The following MPPE1 variants were observed in gnomAD, a reference collection of about 807,000 sequenced individuals.
MPPE1 encodes the protein metallophosphoesterase 1.
MPPE1 carries 28 observed loss-of-function variants against 43.8 expected under a neutral mutation model. That is an observed-to-expected ratio of 0.64 (90% CI 0.47 to 0.88). The LOEUF (loss-of-function observed/expected upper bound fraction) is 0.88, where lower values mean the gene tolerates loss of function less well. Ranked by LOEUF, MPPE1 falls within the 40% of genes least tolerant of loss-of-function variation. The pLI is 0.00. For synonymous variants in MPPE1, 159 were observed against 188.5 expected (o/e 0.84, Z 1.28); for missense variants, 428 against 492.2 (o/e 0.87, Z 1.23).
intron 1 of MPPE1, among the ~76,000 whole-genome samples, chr18:11,906,714 G>T (rs770910436): frequency 6.6e-6 from 1 of 151,788 alleles, no homozygotes. Flanking sequence ...AATCAGCCAG[G>T]GTAGTGGCAC....
At chr18:11,905,007 A>T (rs1020540961) in intron 2 of MPPE1, among the ~76,000 whole-genome samples, 2 of 151,708 alleles carry the variant, frequency 1.3e-5, no homozygotes, top group African/African-American at 4.8e-5. Context: ...TTGACAGCAG[A>T]TCCTTAAACA....
At chr18:11,887,424 T>G (rs2037457210) in intron 6 of MPPE1, among the ~76,000 whole-genome samples, 1 of 152,196 alleles carries the variant, frequency 6.6e-6, no homozygotes, top group South Asian at 2.1e-4. Context: ...GGCAGGTGTT[T>G]AGAACACAGC....
At chr18:11,885,028 A>T (rs750925113) in intron 10 of MPPE1, 15 of 1,296,088 alleles carry the variant, frequency 1.2e-5, no homozygotes, top group Non-Finnish European at 1.4e-5. Context: ...TTGATGCTCA[A>T]CTAAGCATCT....
At chr18:11,902,580 C>A (rs1567974545) in intron 2 of MPPE1, 1 of 152,208 alleles carries the variant, frequency 6.6e-6, no homozygotes, top group Admixed American at 6.5e-5. Context: ...GGAAGGAATG[C>A]TGACCTTCTG....
At chr18:11,893,669 G>T in intron 3 of MPPE1, 93 bp from the exon 4 acceptor site, 1 of 981,928 alleles carries the variant, frequency 1.0e-6, no homozygotes, top group Non-Finnish European at 1.6e-6. Context: ...AAACTAAATG[G>T]TTCCACTCTC....
At position 11,904,732 on chromosome 18, in the gene MPPE1, T is replaced by C. The variant is rs557821636; in HGVS notation, c.-93+1471A>G. Among the ~76,000 whole-genome samples, 4 of 152,076 alleles carry C rather than the reference T, an allele frequency of 2.6e-5. No individual in the cohort carries two copies. In the South Asian group the frequency reaches 8.3e-4, roughly 32 times the overall value. ...AGGTGGACCATTTGAGGCCAGGAGT[T>C]CAAGACCAGCCTAGCCAACATGGTG... is the stretch of plus-strand genomic sequence containing the variant. On this transcript the variant is annotated intron_variant, in intron 2 of 10. Transcript: ENST00000588072.
chr18:11,901,242 T>G (rs2039169063), intron 2 of MPPE1, among the ~76,000 whole-genome samples: 2 of 151,960 alleles, frequency 1.3e-5, no homozygotes. Context: ...TTATTTTTAT[T>G]TTTTTGAGAC....
rs530758094 is a variant in MPPE1, at chr18:11,897,302, G to A, written c.-38C>T. On this transcript the variant is annotated 5_prime_UTR_variant, in exon 3 of 11. Transcript: ENST00000588072. ...AACAAATCCATCAAGGGTTCACCACGAGAAAACTGCAGAGCCCTGGGGAGG... is the reference window on the plus strand; with the variant it reads ...AACAAATCCATCAAGGGTTCACCACAAGAAAACTGCAGAGCCCTGGGGAGG... The A allele has an allele frequency of 2.9e-5, 27 of 922,858 alleles. No homozygotes were observed. The African/African-American group carries it at 3.3e-4, about 11-fold the overall frequency. The allele number at this position is 922,858 out of a possible 1,614,324, so 57.2% of individuals were successfully genotyped here. A position where few individuals can be genotyped will look rare whatever the true frequency, so the allele number is the denominator to read the frequency against.
intron 3 of MPPE1, chr18:11,895,112 C>G (rs1311238035): frequency 1.3e-5 from 2 of 152,208 alleles, no homozygotes; most frequent in Non-Finnish European, 2.9e-5. Context: ...GCTGCTCCTC[C>G]TCTACAAAAG....
In MPPE1 at chr18:11,884,214, AT is replaced by A; in HGVS notation, c.*230del. 1 of 511,388 alleles carries A rather than the reference AT, an allele frequency of 2.0e-6. No homozygotes were observed. Among genetic ancestry groups the A allele is most frequent in the Non-Finnish European group, 3.5e-6 (1 of 283,416 alleles). 31.7% of individuals were successfully genotyped at this position (511,388 alleles called of 1,614,324 possible). On this transcript the variant is annotated 3_prime_UTR_variant, in exon 11 of 11. Coordinates refer to ENST00000588072, the MANE Select transcript of MPPE1 (RefSeq NM_023075.6). ...AGATGCAACCTTTGATGATACATATATTTGATAAAAATGAGAAAACAGATTT... is the reference window on the plus strand; with the variant it reads ...AGATGCAACCTTTGATGATACATATATTGATAAAAATGAGAAAACAGATTT...
chr18:11,887,047 G>T (rs1371161995), intron 6 of MPPE1, 22 bp from the exon 7 acceptor site: 3 of 1,570,930 alleles, frequency 1.9e-6, no homozygotes, highest in Non-Finnish European at 1.7e-6. Flanking sequence ...GGAAACGCAG[G>T]TGAGGCCGCT....
At chr18:11,898,244 T>TA (rs56933964) in intron 2 of MPPE1, among the ~76,000 whole-genome samples, 40,319 of 151,696 alleles carry the variant, frequency 0.27, 7,883 homozygotes, top group African/African-American at 0.55. Flanking sequence ...AATTTTTGTA[T>TA]TTTTTTTAGC....
rs146254420 is a variant in MPPE1 at position 11,903,529 on chromosome 18, G to A, written c.-93+2674C>T. Among the ~76,000 whole-genome samples the A allele has an allele frequency of 7.9e-4, 120 of 152,166 alleles. 1 individual carries two copies. In the Middle Eastern group the frequency reaches 0.01, roughly 13 times the overall value. ...TTACGGTTAAACACTGCACTTGGCT[G>A]GGCACGGTGGCTCACGCCTGTAATC... On this transcript the variant is annotated intron_variant, in intron 2 of 10. Coordinates refer to ENST00000588072, the MANE Select transcript of MPPE1 (RefSeq NM_023075.6).
intron 2 of MPPE1, among the ~76,000 whole-genome samples, chr18:11,901,869 C>G (rs1382316609): frequency 6.6e-6 from 1 of 152,080 alleles, no homozygotes; most frequent in Admixed American, 6.6e-5. Context: ...GAACGGCAAA[C>G]AAATACTGGA....
At chr18:11,887,145 C>T in intron 6 of MPPE1, 120 bp from the exon 7 acceptor site, 2 of 629,430 alleles carry the variant, frequency 3.2e-6, no homozygotes, top group Non-Finnish European at 5.5e-6. Flanking sequence ...GAGCAGCTTT[C>T]AATCCCACCC....
Position 11,888,291 on chromosome 18 carries a change from C to T in MPPE1, c.569+378G>A, listed in dbSNP as rs114383897. ...CATAGTAGTTATGACACCATAACTA[C>T]GAGAACAGTCTTTGTAACGTGAAAT... is the stretch of plus-strand genomic sequence containing the variant. On this transcript the variant is annotated intron_variant, in intron 6 of 10. Transcript: ENST00000588072. 4.9e-3 allele frequency among the ~76,000 whole-genome samples: 743 copies of T among 152,240 alleles called. 7 individuals carry two copies. Among genetic ancestry groups the T allele is most frequent in the African/African-American group, 0.017 (705 of 41,524 alleles).
chr18:11,893,662 C>G (rs943097679), intron 3 of MPPE1, 86 bp from the exon 4 acceptor site: 3 of 1,055,884 alleles, frequency 2.8e-6, no homozygotes, highest in Non-Finnish European at 2.8e-6. Context: ...AAACAGCAAA[C>G]TAAATGGTTC....
rs557806805 is a variant in MPPE1, at chr18:11,897,244, C to A, written c.21G>T (p.Gly7=). 3.3e-6 allele frequency: 4 copies of A among 1,206,030 alleles called. No individual in the cohort carries two copies. Among genetic ancestry groups the A allele is most frequent in the Non-Finnish European group, 4.7e-6 (4 of 852,950 alleles). 74.7% of individuals were successfully genotyped at this position (1,206,030 alleles called of 1,614,324 possible). A position where few individuals can be genotyped will look rare whatever the true frequency, so the allele number is the denominator to read the frequency against. The change falls in exon 3 of 11, where the codon GGG becomes GGT. Residue 7 remains glycine, a synonymous_variant. Transcript: ENST00000588072. MAMIEL[G]FGRQNFHPLK... is the part of the protein sequence containing the mutation. ...ATGGATGAAAATTCTGTCTTCCAAA[C>A]CCCAATTCGATCATCGCCATTTCTC...
At position 11,886,850 on chromosome 18, in the gene MPPE1, T is replaced by C; in HGVS notation, c.678+67A>G. 1 of 1,596,296 alleles carries C rather than the reference T, an allele frequency of 6.3e-7. No homozygotes were observed. Among genetic ancestry groups the C allele is most frequent in the African/African-American group, 1.3e-5 (1 of 74,622 alleles). On this transcript the variant is annotated intron_variant, in intron 7 of 10. Coordinates refer to ENST00000588072, the MANE Select transcript of MPPE1 (RefSeq NM_023075.6). The surrounding 1 kb of genome is among the most constrained non-coding windows in gnomAD (Gnocchi z 4.1). ...CAAAGGGCAAGAAGCGCTAGGGGGC[T>C]GAGTGAGCAACCGAAGCGGAGCAAC...
Sources: gnomAD v4.1 joint callset for allele counts (sites outside exome capture counted in the v4.1 genomes callset) on GRCh38, gnomAD v4.1.1 for gene constraint, Gnocchi (gnomAD v3.1) non-coding constraint, MANE v1.5 for transcripts, NCBI Gene and HGNC (gene_info 2026-07-23, HGNC 2026-07-21) for gene names.